The following ACSM3 variants were observed in gnomAD, a reference collection of about 807,000 sequenced individuals.
The protein encoded by ACSM3 is acyl-coenzyme A synthetase ACSM3, mitochondrial.
ACSM3 carries 61 observed loss-of-function variants against 74.1 expected under a neutral mutation model. The observed-to-expected ratio is 0.82, with a 90% CI of 0.67 to 1.02. The LOEUF is 1.02. ACSM3 is among the 50% of genes least tolerant of loss of function. The pLI is 0.00. For synonymous variants in ACSM3, 213 were observed against 241.5 expected (o/e 0.88, Z 1.09); for missense variants, 660 against 697.0 (o/e 0.95, Z 0.60).
rs770465981 is a variant in ACSM3 at position 20,711,800 on chromosome 16, G to A, written c.-190+36978G>A. The A allele has an allele frequency of 3.6e-4, 119 of 333,038 alleles. 1 individual carries two copies. The East Asian group carries it at 5.6e-3, about 16-fold the overall frequency. 20.6% of individuals were successfully genotyped at this position (333,038 alleles called of 1,614,324 possible). A position where few individuals can be genotyped will look rare whatever the true frequency, so the allele number is the denominator to read the frequency against. ...TGTGAGTTGATCTGGGCTCCTACTCGGAAAAGAATTACCTAATAACCAGAT... is the reference window on the plus strand; with the variant it reads ...TGTGAGTTGATCTGGGCTCCTACTCAGAAAAGAATTACCTAATAACCAGAT... On this transcript the variant is annotated intron_variant, in intron 1 of 3. Transcript: ENST00000561584.
At chr16:20,678,151 T>C (rs1368167784) in intron 1 of ACSM3, among the ~76,000 whole-genome samples, 1 of 152,074 alleles carries the variant, frequency 6.6e-6, no homozygotes, top group Admixed American at 6.5e-5. Flanking sequence ...ACACTCCAAA[T>C]GAAAGGGCTT....
intron 10 of ACSM3, 65 bp from the exon 11 acceptor site, chr16:20,791,937 A>G (rs2080607927): frequency 6.3e-7 from 1 of 1,582,146 alleles, no homozygotes; most frequent in South Asian, 1.2e-5. Context: ...GAAAAAAAAA[A>G]AAAAATTCCA....
intron 4 of ACSM3, among the ~76,000 whole-genome samples, chr16:20,778,338 A>G (rs1349475172): frequency 6.6e-6 from 1 of 152,176 alleles, no homozygotes; most frequent in Admixed American, 6.5e-5. Flanking sequence ...TGAGCTTCCT[A>G]CCTTTACTCA....
chr16:20,741,000 C>G (rs1042407777), intron 1 of ACSM3, among the ~76,000 whole-genome samples: 2 of 152,162 alleles, frequency 1.3e-5, no homozygotes, highest in Admixed American at 1.3e-4. Context: ...CTCAGTGGCT[C>G]GCGCCTGTAA....
intron 1 of ACSM3, chr16:20,729,484 T>C (rs1399078794): frequency 1.5e-6 from 1 of 646,014 alleles, no homozygotes; most frequent in Non-Finnish European, 2.9e-6. Context: ...AAGTGGAGAG[T>C]GTGCTTGCTG....
chr16:20,790,443 T>TGA lies in ACSM3; in HGVS notation c.1225-141_1225-140dup. 1 of 718,746 alleles carries TGA rather than the reference T, an allele frequency of 1.4e-6. No individual in the cohort carries two copies. Among genetic ancestry groups the TGA allele is most frequent in the Non-Finnish European group, 2.3e-6 (1 of 427,028 alleles). 44.5% of individuals were successfully genotyped at this position (718,746 alleles called of 1,614,324 possible). On this transcript the variant is annotated intron_variant, in intron 9 of 13. Transcript: ENST00000289416. The surrounding 1 kb of genome is among the most constrained non-coding windows in gnomAD (Gnocchi z 4.0). ...CTGCACTCCAGCCTGGGTGACAAAGTGAGACCTTGTCTCACACACACAAAA... is the reference window on the plus strand; with the variant it reads ...CTGCACTCCAGCCTGGGTGACAAAGTGAGAGACCTTGTCTCACACACACAAAA...
At chr16:20,690,964 G>C in intron 1 of ACSM3, 2 of 1,591,104 alleles carry the variant, frequency 1.3e-6, no homozygotes, top group African/African-American at 2.7e-5. Flanking sequence ...GGCCACCCTT[G>C]TTCTTATATC....
At chr16:20,678,569 G>A (rs1042695348) in intron 1 of ACSM3, among the ~76,000 whole-genome samples, 9 of 152,118 alleles carry the variant, frequency 5.9e-5, no homozygotes, top group Non-Finnish European at 1.0e-4. Context: ...CTTCCTCACC[G>A]GGACAGAGAA....
exon 1 of ACSM3, chr16:20,674,626 G>C (rs947976349): frequency 6.6e-6 from 1 of 152,304 alleles, no homozygotes; most frequent in African/African-American, 2.4e-5. Flanking sequence ...TGGCCCATAT[G>C]GGGATTGGAG....
At chr16:20,715,833 T>C (rs2079759729) in intron 1 of ACSM3, among the ~76,000 whole-genome samples, 1 of 152,178 alleles carries the variant, frequency 6.6e-6, no homozygotes, top group Non-Finnish European at 1.5e-5. Flanking sequence ...AGTAGTATTT[T>C]ATTTGCTCAT....
At chr16:20,760,312 A>G (rs1442661484), upstream of ACSM3, among the ~76,000 whole-genome samples, 2 of 152,186 alleles carry the variant, frequency 1.3e-5, no homozygotes, top group Non-Finnish European at 2.9e-5. Context: ...TTGCGGGACA[A>G]TCAAAGACTG....
At chr16:20,759,403 C>A (rs923858154), upstream of ACSM3, among the ~76,000 whole-genome samples, 1 of 151,724 alleles carries the variant, frequency 6.6e-6, no homozygotes, top group African/African-American at 2.4e-5. Flanking sequence ...ACTAAAAATA[C>A]AAAAAAATTA....
chr16:20,774,630 C>T (rs1245865161), intron 2 of ACSM3, among the ~76,000 whole-genome samples: 2 of 152,220 alleles, frequency 1.3e-5, no homozygotes, highest in East Asian at 3.8e-4. Flanking sequence ...TCAGTCCATA[C>T]AGTCCATATC....
intron 3 of ACSM3, among the ~76,000 whole-genome samples, chr16:20,758,662 C>T (rs202034419): frequency 6.6e-6 from 1 of 151,758 alleles, no homozygotes; most frequent in East Asian, 1.9e-4. Context: ...TATTTCTTGC[C>T]TTCTGCTAGC....
intron 7 of ACSM3, among the ~76,000 whole-genome samples, chr16:20,782,844 G>A (rs1338803735): frequency 6.6e-6 from 1 of 152,214 alleles, no homozygotes; most frequent in Non-Finnish European, 1.5e-5. Context: ...AAAAGTTACA[G>A]ATGAATAGCT....
In ACSM3 at chr16:20,790,282, C is replaced by T. The variant is rs1045177885; in HGVS notation, c.1225-305C>T. 6.6e-5 allele frequency among the ~76,000 whole-genome samples: 10 copies of T among 152,010 alleles called. No homozygotes were observed. Among genetic ancestry groups the T allele is most frequent in the African/African-American group, 1.7e-4 (7 of 41,384 alleles). On this transcript the variant is annotated intron_variant, in intron 9 of 13. Coordinates refer to ENST00000289416, the MANE Select transcript of ACSM3 (RefSeq NM_005622.4). The surrounding 1 kb of genome is among the most constrained non-coding windows in gnomAD (Gnocchi z 4.0). ...CAACATAATGAGTCCCTCATCCCTA[C>T]AAAAAATAAAAATAAACATTAGCTG...
intron 1 of ACSM3, among the ~76,000 whole-genome samples, chr16:20,730,173 T>C (rs1345739527): frequency 6.6e-6 from 1 of 152,050 alleles, no homozygotes. Flanking sequence ...GAGGATAGGG[T>C]AATACTCTAT....
intron 1 of ACSM3, chr16:20,720,908 T>C (rs1596484890): frequency 6.6e-6 from 1 of 152,202 alleles, no homozygotes; most frequent in African/African-American, 2.4e-5. Context: ...TCTTTAACTA[T>C]GACAATCCAG....
chr16:20,707,313 TTC>T (rs1215571483), intron 1 of ACSM3, among the ~76,000 whole-genome samples: 1 of 152,126 alleles, frequency 6.6e-6, no homozygotes, highest in East Asian at 1.9e-4. Context: ...GCCTGAATAT[TTC>T]TGTCTCAGTT....
Sources: allele counts gnomAD v4.1 joint callset (sites outside exome capture counted in the v4.1 genomes callset), GRCh38; gene constraint gnomAD v4.1.1; non-coding constraint Gnocchi (gnomAD v3.1); transcripts MANE v1.5; gene names NCBI Gene and HGNC (gene_info 2026-07-23, HGNC 2026-07-21).